The following CGNL1 variants were observed in gnomAD, a reference collection of about 807,000 sequenced individuals.
CGNL1 encodes the protein cingulin-like protein 1.
A neutral mutation model predicts 141.2 loss-of-function variants in CGNL1; 132 were observed. The observed-to-expected ratio is 0.93, with a 90% confidence interval of 0.81 to 1.08. The LOEUF (loss-of-function observed/expected upper bound fraction) is 1.08, where lower values mean the gene tolerates loss of function less well. Among genes scored for constraint, CGNL1 ranks in the 50% least tolerant of loss-of-function variants. CGNL1 has a pLI of 0.00. For synonymous variants in CGNL1, 690 were observed against 622.1 expected, an observed-to-expected ratio of 1.11 and a Z score of -1.63; for missense variants, 1,870 against 1,588.6, an observed-to-expected ratio of 1.18 and a Z score of -3.01.
At chr15:57,503,750 A>C (rs1308216250) in intron 8 of CGNL1, among the ~76,000 whole-genome samples, 11 of 152,200 alleles carry the variant, frequency 7.2e-5, no homozygotes, top group African/African-American at 2.7e-4. Context: ...ATGGGGCGGC[A>C]GCAAGAGAAA....
Position 57,529,949 on chromosome 15 carries a change from G to A in CGNL1, c.3201+1134G>A, listed in dbSNP as rs115858740. On this transcript the variant is annotated intron_variant, in intron 13 of 18. Transcript: ENST00000281282. ...TTTATTGCTCTTTTGTTGGACTGCT[G>A]TACATTTTGCTAATGTCCTGGCTCT... Among the ~76,000 whole-genome samples the A allele has an allele frequency of 3.8e-3, 574 of 152,322 alleles. 4 individuals are homozygous for A. Among genetic ancestry groups the A allele is most frequent in the African/African-American group, 0.013 (555 of 41,572 alleles).
intron 8 of CGNL1, among the ~76,000 whole-genome samples, chr15:57,502,651 A>G (rs918838937): frequency 1.2e-4 from 19 of 152,320 alleles, no homozygotes; most frequent in African/African-American, 4.6e-4. Flanking sequence ...ACCTCAGACC[A>G]GTGTGCTCAT....
chr15:57,488,883 T>C (rs1222399049), intron 8 of CGNL1, among the ~76,000 whole-genome samples: 1 of 152,070 alleles, frequency 6.6e-6, no homozygotes, highest in African/African-American at 2.4e-5. Context: ...AAGAGTGGTT[T>C]TTCTACTAGA....
chr15:57,421,279 C>T (rs1241572817), intron 1 of CGNL1, among the ~76,000 whole-genome samples: 1 of 152,172 alleles, frequency 6.6e-6, no homozygotes, highest in Non-Finnish European at 1.5e-5. Context: ...TTGTTTAAGC[C>T]ACTCAGTCTG....
intron 8 of CGNL1, among the ~76,000 whole-genome samples, chr15:57,487,139 G>T (rs7168975): frequency 0.3 from 45,204 of 152,066 alleles, 6,913 homozygotes; most frequent in African/African-American, 0.36. Context: ...AAGACTAGGA[G>T]TAGACAGTTT....
At chr15:57,474,764 C>G (rs934692178) in intron 8 of CGNL1, among the ~76,000 whole-genome samples, 1 of 152,098 alleles carries the variant, frequency 6.6e-6, no homozygotes, top group South Asian at 2.1e-4. Context: ...AGGGAGATAA[C>G]TAGTCAATAG....
intron 14 of CGNL1, among the ~76,000 whole-genome samples, chr15:57,537,419 G>T (rs2032319873): frequency 6.6e-6 from 1 of 152,004 alleles, no homozygotes; most frequent in Non-Finnish European, 1.5e-5. Context: ...GTGAGTGAAA[G>T]ATCAGAGGGG....
intron 1 of CGNL1, among the ~76,000 whole-genome samples, chr15:57,378,601 T>C (rs1335406690): frequency 6.6e-6 from 1 of 152,018 alleles, no homozygotes; most frequent in Admixed American, 6.5e-5. Context: ...CAGGCTGTTC[T>C]CAAACTCCTG....
chr15:57,393,064 C>G (rs1481185043), intron 1 of CGNL1, among the ~76,000 whole-genome samples: 2 of 152,030 alleles, frequency 1.3e-5, no homozygotes, highest in African/African-American at 4.8e-5. Flanking sequence ...GTATTGAAGG[C>G]CTTTTTAATG....
chr15:57,378,472 C>T (rs1338727756), intron 1 of CGNL1, among the ~76,000 whole-genome samples: 1 of 144,224 alleles, frequency 6.9e-6, no homozygotes, highest in Non-Finnish European at 1.5e-5. Context: ...GCCTCGGCCT[C>T]CCTGGTTCAA....
Position 57,425,521 on chromosome 15 carries a change from T to A in CGNL1, c.-15-12464T>A, listed in dbSNP as rs141181581. Among the ~76,000 whole-genome samples, 525 of 152,314 alleles carry A rather than the reference T, an allele frequency of 3.4e-3. 2 individuals carry two copies. Among genetic ancestry groups the A allele is most frequent in the Middle Eastern group, 0.01 (3 of 294 alleles). On this transcript the variant is annotated intron_variant, in intron 1 of 18. Coordinates refer to ENST00000281282, the MANE Select transcript of CGNL1 (RefSeq NM_032866.5). ...ACTTTGGGAGGCCAAGGTGGGCGGA[T>A]CACTTGAGGTCAGGAGTTTGAGATC...
intron 8 of CGNL1, among the ~76,000 whole-genome samples, chr15:57,513,451 G>A (rs1401319190): frequency 1.3e-5 from 2 of 152,094 alleles, no homozygotes; most frequent in Non-Finnish European, 2.9e-5. Flanking sequence ...CATGTAGATT[G>A]CTTGCACTTA....
chr15:57,468,632 TGG>T (rs1382255562), intron 8 of CGNL1, among the ~76,000 whole-genome samples: 8 of 149,518 alleles, frequency 5.4e-5, no homozygotes. Flanking sequence ...AAAGGTGGGG[TGG>T]GGTGAGATTA....
chr15:57,445,731 G>A (rs1160026918), intron 4 of CGNL1, among the ~76,000 whole-genome samples: 2 of 152,160 alleles, frequency 1.3e-5, no homozygotes, highest in Non-Finnish European at 2.9e-5. Context: ...GGATGTGTGA[G>A]CCAAGATGCC....
chr15:57,449,641 C>T (rs1443197325), intron 4 of CGNL1, among the ~76,000 whole-genome samples: 4 of 152,178 alleles, frequency 2.6e-5, no homozygotes, highest in Non-Finnish European at 5.9e-5. Flanking sequence ...GACAAATGAA[C>T]AATGACATGT....
intron 8 of CGNL1, among the ~76,000 whole-genome samples, chr15:57,502,514 G>T (rs1388570858): frequency 1.3e-5 from 2 of 152,150 alleles, no homozygotes; most frequent in African/African-American, 4.8e-5. Flanking sequence ...TTTATGAATG[G>T]GTAAGATGAA....
At chr15:57,544,424 A>G in intron 15 of CGNL1, 49 bp from the exon 16 acceptor site, 3 of 1,610,904 alleles carry the variant, frequency 1.9e-6, no homozygotes, top group Non-Finnish European at 2.5e-6. Context: ...TGCTCTGCAC[A>G]GAGCGTGGCA....
Position 57,456,932 on chromosome 15 carries a change from G to A in CGNL1, c.2190+3114G>A, listed in dbSNP as rs189832627. On this transcript the variant is annotated intron_variant, in intron 7 of 18. Coordinates refer to ENST00000281282, the MANE Select transcript of CGNL1 (RefSeq NM_032866.5). The stretch of plus-strand genomic sequence containing the variant: ...ATAAAATTGTAGTGGTTTGAGGAGA[G>A]ATTGTGTTCAGAAATTATGTCTCTA... Among the ~76,000 whole-genome samples the A allele has an allele frequency of 1.4e-3, 218 of 152,308 alleles. 2 individuals are homozygous for A. Among genetic ancestry groups the A allele is most frequent in the Middle Eastern group, 0.014 (4 of 294 alleles).
intron 1 of CGNL1, among the ~76,000 whole-genome samples, chr15:57,381,461 CGAGA>C: frequency 1.3e-5 from 2 of 152,116 alleles, no homozygotes; most frequent in South Asian, 2.1e-4. Context: ...CTCTGGAGGT[CGAGA>C]TGGGAGGATG....
Sources: gnomAD v4.1 joint callset for allele counts (sites outside exome capture counted in the v4.1 genomes callset) on GRCh38, gnomAD v4.1.1 for gene constraint, MANE v1.5 for transcripts, NCBI Gene and HGNC (gene_info 2026-07-23, HGNC 2026-07-21) for gene names.